Variants in USP20 observed in about 807,000 individuals in gnomAD.
USP20 encodes the protein ubiquitin carboxyl-terminal hydrolase 20.
A neutral mutation model predicts 124.2 loss-of-function variants in USP20; 80 were observed. That is an observed-to-expected ratio of 0.64 (90% CI 0.54 to 0.78). The LOEUF (loss-of-function observed/expected upper bound fraction) is 0.78, where lower values mean the gene tolerates loss of function less well. Among genes scored for constraint, USP20 ranks in the 30% least tolerant of loss-of-function variants. The probability of loss-of-function intolerance (pLI) is 0.00; values close to 1 mark genes in which losing one functional copy is unlikely to be tolerated. For missense variants in USP20, 1,043 were observed against 1,244.4 expected, an observed-to-expected ratio of 0.84 and a Z score of 2.44; for synonymous variants, 481 against 512.3, an observed-to-expected ratio of 0.94 and a Z score of 0.83.
At chr9:129,856,146 A>G (rs1354626825) in intron 3 of USP20, among the ~76,000 whole-genome samples, 161 bp from the exon 4 acceptor site, 2 of 152,266 alleles carry the variant, frequency 1.3e-5, no homozygotes, top group Non-Finnish European at 2.9e-5. Flanking sequence ...TAATTTGGAC[A>G]GGAAGTCTGG....
chr9:129,836,495 C>T (rs964981136), intron 1 of USP20, among the ~76,000 whole-genome samples: 4 of 151,996 alleles, frequency 2.6e-5, no homozygotes, highest in Admixed American at 6.6e-5. Flanking sequence ...GGGCCTGGCA[C>T]GGTAGGAGTG....
chr9:129,870,419 T>G (rs200101510), intron 14 of USP20, 34 bp from the exon 15 acceptor site: 1 of 1,608,294 alleles, frequency 6.2e-7, no homozygotes, highest in Admixed American at 1.7e-5. Flanking sequence ...GCCCAGGCCC[T>G]GGCAGCACCC....
At chr9:129,852,424 G>C (rs770534718) in intron 2 of USP20, 116 bp from the exon 3 acceptor site, 42 of 779,464 alleles carry the variant, frequency 5.4e-5, no homozygotes, top group Admixed American at 1.3e-4. Flanking sequence ...TGCGTTACCA[G>C]CTGGTTTGTG....
chr9:129,864,487 AAAAAAAG>A (rs1438677328), intron 9 of USP20, among the ~76,000 whole-genome samples: 1 of 98,744 alleles, frequency 1.0e-5, no homozygotes, highest in Non-Finnish European at 2.2e-5. Context: ...AAAAAAAAAA[AAAAAAAG>A]TCTGTGTGCA....
chr9:129,841,131 C>T (rs1483192385), intron 1 of USP20, among the ~76,000 whole-genome samples: 1 of 152,196 alleles, frequency 6.6e-6, no homozygotes, highest in Non-Finnish European at 1.5e-5. Flanking sequence ...TAACAAAGTA[C>T]CACAGACTGG....
chr9:129,878,603 C>T (rs562131152), intron 23 of USP20, among the ~76,000 whole-genome samples, 163 bp downstream of exon 23: 82 of 152,296 alleles, frequency 5.4e-4, no homozygotes, highest in African/African-American at 1.9e-3. Flanking sequence ...TTGCCAGTCC[C>T]CAGTGGGGAT....
chr9:129,861,027 C>G lies in USP20; in HGVS notation c.421C>G (p.Pro141Ala). 1 of 1,611,760 alleles carries G rather than the reference C, an allele frequency of 6.2e-7. No individual in the cohort carries two copies. Among genetic ancestry groups the G allele is most frequent in the Non-Finnish European group, 8.5e-7 (1 of 1,178,732 alleles). The change falls in exon 7 of 26, where the codon CCT becomes GCT. Residue 141 changes from proline to alanine, a missense_variant. Transcript: ENST00000372429. ...TGAGTCAGAGGACGATGACCTGAAA[C>G]CTCGAGGTAATGGCCCCCACAGCAG... ...ESESEDDDLK[P>A]RGLTGMKNLG...
intron 1 of USP20, among the ~76,000 whole-genome samples, chr9:129,836,047 C>T (rs1307221996): frequency 6.6e-6 from 1 of 152,094 alleles, no homozygotes; most frequent in Non-Finnish European, 1.5e-5. Flanking sequence ...TTGCCGGCCA[C>T]CCCCCTGGAC....
chr9:129,836,017 G>A (rs2031805560), intron 1 of USP20, among the ~76,000 whole-genome samples: 1 of 152,162 alleles, frequency 6.6e-6, no homozygotes, highest in Admixed American at 6.5e-5. Flanking sequence ...GGTTTGAGCC[G>A]GGGGACTCCT....
rs2034067451 is a variant in USP20, at chr9:129,870,482, T to G, written c.1595T>G (p.Phe532Cys). 6.2e-7 allele frequency: 1 copy of G among 1,613,994 alleles called. No individual in the cohort carries two copies. Among genetic ancestry groups the G allele is most frequent in the African/African-American group, 1.3e-5 (1 of 74,928 alleles). The change falls in exon 15 of 26, where the codon TTT (phenylalanine) becomes TGT (cysteine). Residue 532 changes from phenylalanine to cysteine, a missense_variant. Coordinates refer to ENST00000372429, the MANE Select transcript of USP20 (RefSeq NM_001110303.4). ...GTGGTATCCTGTACCCCCAGCTGGT[T>G]TTGGGGGCCTGTCGTCACCCTGGAA... ...RFVVSCTPSW[F>C]WGPVVTLEDC...
At chr9:129,859,177 A>G (rs527624979) in intron 6 of USP20, among the ~76,000 whole-genome samples, 137 of 150,744 alleles carry the variant, frequency 9.1e-4, no homozygotes, top group Admixed American at 3.2e-3. Context: ...GGGAATGGTC[A>G]GTAATCCTGG....
At position 129,868,895 on chromosome 9, in the gene USP20, C is replaced by T; in HGVS notation, c.1169C>T (p.Ser390Phe). Residue 390 changes from serine (S) to phenylalanine (F), a missense_variant, in exon 12 of 26, where the codon TCT becomes TTT. Physicochemically the swap from Ser to Phe is radical, Grantham distance 155. Coordinates refer to ENST00000372429, the MANE Select transcript of USP20 (RefSeq NM_001110303.4). ...PDNDAHLRSS[S>F]RPCSPVHHHE... is the part of the protein sequence containing the mutation. ...AATGATGCTCACCTACGCAGCTCCT[C>T]TCGCCCCTGCAGCCCCGTCCACCAC... The T allele has an allele frequency of 3.7e-6, 6 of 1,604,502 alleles. No homozygotes were observed. Among genetic ancestry groups the T allele is most frequent in the Non-Finnish European group, 5.1e-6 (6 of 1,174,140 alleles).
intron 8 of USP20, among the ~76,000 whole-genome samples, chr9:129,862,279 C>T (rs7029659): frequency 0.042 from 6,330 of 152,214 alleles, 448 homozygotes; most frequent in African/African-American, 0.14. Flanking sequence ...CCAGGCTGGG[C>T]GCAGTAGCCC....
At position 129,858,525 on chromosome 9, in the gene USP20, G is replaced by A; in HGVS notation, c.257G>A (p.Cys86Tyr). Reference sequence around the variant, plus strand: ...ACGTTCCGACTGTGGTGTTACGCCTGTGAGAAGGAGGTATTCCTGGAGCAG... The same window carrying A: ...ACGTTCCGACTGTGGTGTTACGCCTATGAGAAGGAGGTATTCCTGGAGCAG... Reference protein sequence around the residue: ...LTTFRLWCYACEKEVFLEQRL... With the variant: ...LTTFRLWCYAYEKEVFLEQRL... The change falls in exon 6 of 26, where the codon TGT becomes TAT. Residue 86 changes from cysteine (C) to tyrosine (Y), a missense_variant. Cys to Tyr is a radical substitution (Grantham distance 194). Coordinates refer to ENST00000372429, the MANE Select transcript of USP20 (RefSeq NM_001110303.4). The A allele has an allele frequency of 6.2e-7, 1 of 1,614,226 alleles. No individual in the cohort carries two copies. The highest frequency in any genetic ancestry group is 8.5e-7 in the Non-Finnish European group (1 of 1,180,028).
chr9:129,858,205 G>T, intron 5 of USP20, 93 bp downstream of exon 5: 1 of 1,388,460 alleles, frequency 7.2e-7, no homozygotes, highest in South Asian at 1.2e-5. Flanking sequence ...CTAAATGGCT[G>T]GGGCAATAAA....
At chr9:129,853,211 T>C (rs931876085) in intron 3 of USP20, among the ~76,000 whole-genome samples, 2 of 141,786 alleles carry the variant, frequency 1.4e-5, no homozygotes, top group Non-Finnish European at 3.1e-5. Flanking sequence ...TTTATGTGAA[T>C]ACAAGCAGAT....
At chr9:129,852,775 C>A (rs2032996752) in intron 3 of USP20, 139 bp downstream of exon 3, 1 of 902,126 alleles carries the variant, frequency 1.1e-6, no homozygotes, top group Non-Finnish European at 1.7e-6. Context: ...GAAATGCTGG[C>A]ATCTGCTTGG....
At chr9:129,838,998 A>ATTCT (rs2032037263) in intron 1 of USP20, among the ~76,000 whole-genome samples, 1 of 152,218 alleles carries the variant, frequency 6.6e-6, no homozygotes, top group South Asian at 2.1e-4. Context: ...ATGACTCAGA[A>ATTCT]GAGGCTCTTG....
Position 129,862,925 on chromosome 9 carries a change from TAAA to T in USP20, c.498-256_498-254del, listed in dbSNP as rs201165706. On this transcript the variant is annotated intron_variant, in intron 8 of 25. Transcript: ENST00000372429. ...TGTTTCAAAATAATAATAATAATAATAAAAAAATAAGGTAAGATAGATAAGATG... is the reference window on the plus strand; with the variant it reads ...TGTTTCAAAATAATAATAATAATAATAAAATAAGGTAAGATAGATAAGATG... 5.2e-4 allele frequency among the ~76,000 whole-genome samples: 63 copies of T among 121,792 alleles called. No individual in the cohort carries two copies. In the East Asian group the frequency reaches 0.01, roughly 20 times the overall value. The allele number at this position is 121,792 out of a possible 152,430, so 79.9% of individuals were successfully genotyped here. A position where few individuals can be genotyped will look rare whatever the true frequency, so the allele number is the denominator to read the frequency against.
Sources: gnomAD v4.1 joint callset for allele counts (sites outside exome capture counted in the v4.1 genomes callset) on GRCh38, gnomAD v4.1.1 for gene constraint, MANE v1.5 for transcripts, NCBI Gene and HGNC (gene_info 2026-07-23, HGNC 2026-07-21) for gene names.